Variants in SCLT1 observed in about 807,000 individuals in gnomAD.
SCLT1 encodes sodium channel-associated protein 1.
Under a neutral mutation model 112.8 loss-of-function variants are expected in SCLT1, and 78 were observed. The ratio of observed to expected loss-of-function variants is 0.69; its 90% CI spans 0.58 to 0.83. The LOEUF (loss-of-function observed/expected upper bound fraction) is 0.83. Among genes scored for constraint, SCLT1 ranks in the 40% least tolerant of loss-of-function variants. The probability of loss-of-function intolerance (pLI) is 0.00; values close to 1 mark genes in which losing one functional copy is unlikely to be tolerated. For synonymous variants in SCLT1, 257 were observed against 254.7 expected (o/e 1.01, Z -0.09); for missense variants, 747 against 770.4 (o/e 0.97, Z 0.36).
intron 5 of SCLT1, among the ~76,000 whole-genome samples, chr4:129,009,733 T>C (rs905900893): frequency 6.6e-6 from 1 of 152,220 alleles, no homozygotes; most frequent in African/African-American, 2.4e-5. Flanking sequence ...TTTTTTCATA[T>C]GGTTATTGGC....
At chr4:129,004,600 T>C (rs1743832225) in intron 5 of SCLT1, among the ~76,000 whole-genome samples, 1 of 152,008 alleles carries the variant, frequency 6.6e-6, no homozygotes, top group South Asian at 2.1e-4. Flanking sequence ...GAAAACACTC[T>C]TATTTCATAT....
At chr4:128,898,124 A>C (rs1733940450) in intron 18 of SCLT1, among the ~76,000 whole-genome samples, 1 of 152,130 alleles carries the variant, frequency 6.6e-6, no homozygotes, top group Non-Finnish European at 1.5e-5. Flanking sequence ...CGAGACAGAA[A>C]GTTAACAAGG....
In SCLT1 at chr4:129,007,489, C is replaced by T. The variant is rs532620205; in HGVS notation, c.291-3613G>A. Among the ~76,000 whole-genome samples the T allele has an allele frequency of 5.9e-5, 9 of 152,178 alleles. No individual in the cohort carries two copies. In the South Asian group the frequency reaches 6.2e-4, roughly 11 times the overall value. On this transcript the variant is annotated intron_variant, in intron 5 of 20. Coordinates refer to ENST00000281142, the MANE Select transcript of SCLT1 (RefSeq NM_144643.4). ...TATAATTTCGTATCATTATGGAAACCGCCTTTTAATCTGTAATCATCTGTT... is the reference window on the plus strand; with the variant it reads ...TATAATTTCGTATCATTATGGAAACTGCCTTTTAATCTGTAATCATCTGTT...
intron 18 of SCLT1, among the ~76,000 whole-genome samples, chr4:128,932,553 A>C (rs1579416831): frequency 6.6e-6 from 1 of 152,162 alleles, no homozygotes; most frequent in African/African-American, 2.4e-5. Flanking sequence ...GAAGGTCAAA[A>C]ACATGACAAG....
chr4:129,021,317 C>T (rs533758008), intron 5 of SCLT1, among the ~76,000 whole-genome samples: 33 of 152,266 alleles, frequency 2.2e-4, no homozygotes, highest in African/African-American at 6.5e-4. Context: ...ACCCCAGTGG[C>T]GCCTGGAACG....
At chr4:129,025,473 A>C (rs561268503) in intron 5 of SCLT1, among the ~76,000 whole-genome samples, 1 of 152,194 alleles carries the variant, frequency 6.6e-6, no homozygotes, top group African/African-American at 2.4e-5. Context: ...AAGGAGAAAT[A>C]AAATCCTTTA....
At chr4:128,882,663 T>C (rs1052626933), downstream of SCLT1, among the ~76,000 whole-genome samples, 1 of 152,094 alleles carries the variant, frequency 6.6e-6, no homozygotes, top group African/African-American at 2.4e-5. Flanking sequence ...TTGTACTCTG[T>C]TGGGGGGAAG....
chr4:129,059,041 G>C (rs770051717), intron 2 of SCLT1, among the ~76,000 whole-genome samples: 47 of 152,174 alleles, frequency 3.1e-4, no homozygotes, highest in Non-Finnish European at 5.0e-4. Context: ...CAATGACTTT[G>C]TGTTTGTTTC....
At chr4:128,951,359 A>G (rs1343164085) in intron 14 of SCLT1, among the ~76,000 whole-genome samples, 1 of 152,164 alleles carries the variant, frequency 6.6e-6, no homozygotes, top group Non-Finnish European at 1.5e-5. Flanking sequence ...GAGATGTTTC[A>G]TATCTTTAGA....
chr4:129,053,557 ATTTTTT>A lies in SCLT1; in HGVS notation c.103-9512_103-9507del, dbSNP rs528905688. On this transcript the variant is annotated intron_variant, in intron 2 of 20. Transcript: ENST00000281142. ...TTAGAGACTAGGATTGCAATCCCTG[ATTTTTT>A]TTTTTTTTTTTTTTTTTTTTTTTTT... Among the ~76,000 whole-genome samples the A allele has an allele frequency of 6.9e-4, 31 of 45,228 alleles. No homozygotes were observed. In the East Asian group the frequency reaches 7.5e-3, roughly 11 times the overall value. 29.7% of individuals were successfully genotyped at this position (45,228 alleles called of 152,430 possible).
intron 2 of SCLT1, among the ~76,000 whole-genome samples, chr4:129,045,269 T>TG (rs1748080531): frequency 6.6e-6 from 1 of 152,100 alleles, no homozygotes; most frequent in Non-Finnish European, 1.5e-5. Flanking sequence ...TTTGCTCAAA[T>TG]TACATTTGTT....
chr4:129,085,300 A>C (rs1752297792), intron 1 of SCLT1, among the ~76,000 whole-genome samples: 1 of 152,266 alleles, frequency 6.6e-6, no homozygotes, highest in Non-Finnish European at 1.5e-5. Flanking sequence ...AATGTAAATC[A>C]AAACCACAGT....
At chr4:128,874,525 AAAAC>A (rs1342506735) in intron 4 of SCLT1, 1 of 152,562 alleles carries the variant, frequency 6.6e-6, no homozygotes, top group Non-Finnish European at 1.5e-5. Context: ...AACCCACACA[AAAAC>A]AAAACACACA....
chr4:129,075,481 G>C (rs564465831), intron 2 of SCLT1, among the ~76,000 whole-genome samples: 1 of 152,168 alleles, frequency 6.6e-6, no homozygotes, highest in South Asian at 2.1e-4. Context: ...ATCCCTTCAA[G>C]GTTTTACGTG....
At chr4:129,041,949 G>A (rs1399453428) in intron 4 of SCLT1, 3 of 152,114 alleles carry the variant, frequency 2.0e-5, no homozygotes, top group Non-Finnish European at 2.9e-5. Flanking sequence ...ATTTCATTAT[G>A]TTGGCCAGGC....
chr4:128,981,862 A>G (rs1294483066), intron 9 of SCLT1, among the ~76,000 whole-genome samples: 2 of 152,220 alleles, frequency 1.3e-5, no homozygotes, highest in Non-Finnish European at 2.9e-5. Context: ...AATCTGTCAA[A>G]CTGAATAATT....
chr4:128,996,770 A>G (rs1419548811), intron 8 of SCLT1, among the ~76,000 whole-genome samples: 1 of 152,050 alleles, frequency 6.6e-6, no homozygotes, highest in African/African-American at 2.4e-5. Flanking sequence ...TCTGACCTGG[A>G]ACCATGAATA....
Position 129,053,557 on chromosome 4 carries a change from A to T in SCLT1, c.103-9506T>A, listed in dbSNP as rs1349062201. Reference sequence around the variant, plus strand: ...TTAGAGACTAGGATTGCAATCCCTGATTTTTTTTTTTTTTTTTTTTTTTTT... The same window carrying T: ...TTAGAGACTAGGATTGCAATCCCTGTTTTTTTTTTTTTTTTTTTTTTTTTT... On this transcript the variant is annotated intron_variant, in intron 2 of 20. Transcript: ENST00000281142. Among the ~76,000 whole-genome samples, 401 of 45,198 alleles carry T rather than the reference A, an allele frequency of 8.9e-3. 3 individuals carry two copies. Among genetic ancestry groups the T allele is most frequent in the African/African-American group, 0.029 (320 of 10,990 alleles). The allele number at this position is 45,198 out of a possible 152,430, so 29.7% of individuals were successfully genotyped here.
intron 2 of SCLT1, among the ~76,000 whole-genome samples, chr4:129,053,554 C>A: frequency 1.4e-5 from 1 of 69,858 alleles, no homozygotes; most frequent in African/African-American, 5.6e-5. Context: ...ATTGCAATCC[C>A]TGATTTTTTT....
Sources: gnomAD v4.1 joint callset for allele counts (sites outside exome capture counted in the v4.1 genomes callset) on GRCh38, gnomAD v4.1.1 for gene constraint, MANE v1.5 for transcripts, NCBI Gene and HGNC (gene_info 2026-07-23, HGNC 2026-07-21) for gene names.